PAK3: variants seen among roughly 807,000 people sequenced by gnomAD.
The protein encoded by PAK3 is p21 (RAC1) activated kinase 3, also known as serine/threonine-protein kinase PAK 3.
A neutral mutation model predicts 41.0 loss-of-function variants in PAK3; 4 were observed. The ratio of observed to expected loss-of-function variants is 0.10; its 90% CI spans 0.05 to 0.22. PAK3 has a LOEUF of 0.22. Among genes scored for constraint, PAK3 ranks in the 10% least tolerant of loss-of-function variants. PAK3 has a pLI of 1.00. For synonymous variants in PAK3, 146 were observed against 139.6 expected (o/e 1.05, Z -0.32); for missense variants, 205 against 409.9 (o/e 0.50, Z 4.32).
chrX:111,109,432 TA>T (rs2093330665), intron 4 of PAK3, among the ~76,000 whole-genome samples: 1 of 111,842 alleles, frequency 8.9e-6, no homozygotes, highest in African/African-American at 3.3e-5. Flanking sequence ...AGCCACAAGC[TA>T]GGTGTCAGTA....
At chrX:111,084,192 A>C (rs1158205678) in intron 1 of PAK3, among the ~76,000 whole-genome samples, 1 of 112,275 alleles carries the variant, frequency 8.9e-6, no homozygotes, top group Non-Finnish European at 1.9e-5. Flanking sequence ...ACAGGGGGCC[A>C]TACAATGTTT....
chrX:111,047,667 AG>A (rs1186920311), intron 1 of PAK3, among the ~76,000 whole-genome samples: 1 of 111,220 alleles, frequency 9.0e-6, no homozygotes, highest in Non-Finnish European at 1.9e-5. Context: ...AAAGCTGGAA[AG>A]TTTGGCTGGA....
intron 1 of PAK3, among the ~76,000 whole-genome samples, chrX:111,029,619 A>G (rs1441106581): frequency 1.8e-5 from 2 of 112,087 alleles, no homozygotes; most frequent in Non-Finnish European, 3.8e-5. Context: ...TCATCTGTTT[A>G]AAAGATGAAT....
At chrX:111,152,923 G>A (rs1384196097) in intron 8 of PAK3, among the ~76,000 whole-genome samples, 1 of 111,702 alleles carries the variant, frequency 9.0e-6, no homozygotes, top group East Asian at 2.8e-4. Context: ...AGTATTCCAT[G>A]GTATGATTGT....
intron 1 of PAK3, among the ~76,000 whole-genome samples, chrX:110,994,849 C>T (rs1438639994): frequency 2.7e-5 from 3 of 111,594 alleles, no homozygotes; most frequent in Non-Finnish European, 5.7e-5. Context: ...AAACACCTAG[C>T]CCAGTGCCTG....
Position 111,192,526 on chromosome X carries a change from C to A in PAK3, c.900C>A (p.Asn300Lys). Residue 300 changes from asparagine (N) to lysine (K), a missense_variant, in exon 13 of 18, where the codon AAC (asparagine) becomes AAA (lysine). Asn to Lys is a moderately conservative substitution (Grantham distance 94, BLOSUM62 0). Around this residue, in one of 5 missense-constraint regions of PAK3, gnomAD observed 42 missense variants for 152.7 expected, o/e 0.28. Transcript: ENST00000372007. Reference sequence around the variant, plus strand: ...TTCAGGTGGCCATAAAGCAGATGAACCTTCAACAGCAACCCAAGAAGGAAT... The same window carrying A: ...TTCAGGTGGCCATAAAGCAGATGAAACTTCAACAGCAACCCAAGAAGGAAT... ...TGQEVAIKQM[N>K]LQQQPKKELI... The A allele has an allele frequency of 8.7e-7, 1 of 1,153,337 alleles. No individual in the cohort carries two copies. Among genetic ancestry groups the A allele is most frequent in the Non-Finnish European group, 1.2e-6 (1 of 842,922 alleles).
chrX:111,091,924 C>T (rs2092932752), upstream of PAK3, among the ~76,000 whole-genome samples: 2 of 111,680 alleles, frequency 1.8e-5, no homozygotes, highest in South Asian at 7.6e-4. Flanking sequence ...GATGTGAAGA[C>T]TGAGATCCAA....
chrX:110,976,062 T>C (rs2091321471), intron 1 of PAK3, among the ~76,000 whole-genome samples: 1 of 112,090 alleles, frequency 8.9e-6, no homozygotes. Flanking sequence ...AAGGACTTCA[T>C]GACAAAAACA....
At chrX:111,163,151 T>G in intron 9 of PAK3, 105 bp downstream of exon 9, 3 of 821,782 alleles carry the variant, frequency 3.7e-6, no homozygotes, top group Non-Finnish European at 5.5e-6. Flanking sequence ...GCATCTTTTA[T>G]GTTCCAAGAG....
At chrX:111,170,572 TC>T (rs1409350646) in intron 10 of PAK3, among the ~76,000 whole-genome samples, 2 of 111,677 alleles carry the variant, frequency 1.8e-5, no homozygotes, top group Non-Finnish European at 3.8e-5. Context: ...ATTCATTTAA[TC>T]AACAAATATT....
At chrX:111,096,612 G>A (rs1192029947) in intron 1 of PAK3, 197 bp downstream of exon 1, 1 of 110,950 alleles carries the variant, frequency 9.0e-6, no homozygotes, top group Non-Finnish European at 1.9e-5. Context: ...CCCAGTTCGC[G>A]GACAAGTGGG....
At chrX:111,054,236 CT>C (rs1339859111) in intron 1 of PAK3, among the ~76,000 whole-genome samples, 1 of 112,299 alleles carries the variant, frequency 8.9e-6, no homozygotes, top group Non-Finnish European at 1.9e-5. Flanking sequence ...GCTTATACGG[CT>C]GTTTTGCTCA....
rs569390270 is a variant in PAK3 at position 111,116,405 on chromosome X, T to C, written c.-27-6672T>C. Among the ~76,000 whole-genome samples, 4 of 111,804 alleles carry C rather than the reference T, an allele frequency of 3.6e-5. No homozygotes were observed. In the Admixed American group the frequency reaches 3.8e-4, roughly 11 times the overall value. ...GTAATAATGCATCGGTTTGCAAATATAAGTACATGTAAGATAATCATTAGC... is the reference window on the plus strand; with the variant it reads ...GTAATAATGCATCGGTTTGCAAATACAAGTACATGTAAGATAATCATTAGC... On this transcript the variant is annotated intron_variant, in intron 4 of 17. Coordinates refer to ENST00000372007, the MANE Select transcript of PAK3 (RefSeq NM_002578.5).
intron 11 of PAK3, among the ~76,000 whole-genome samples, chrX:111,184,246 A>G (rs1007924672): frequency 1.8e-5 from 2 of 111,559 alleles, no homozygotes; most frequent in Non-Finnish European, 3.8e-5. Context: ...ATAGGGATCA[A>G]TGTAATTAAA....
chrX:111,103,135 C>G (rs773086946), intron 3 of PAK3, 24 bp from the exon 4 acceptor site: 11 of 111,234 alleles, frequency 9.9e-5, no homozygotes, highest in African/African-American at 3.6e-4. Context: ...GGTTCCCTCT[C>G]CCCTACAATG....
intron 1 of PAK3, among the ~76,000 whole-genome samples, chrX:111,063,295 T>C (rs1603068112): frequency 8.9e-6 from 1 of 112,164 alleles, no homozygotes; most frequent in African/African-American, 3.2e-5. Context: ...TACCCCAAAA[T>C]TCATTGCAAT....
chrX:110,957,371 T>C (rs2148605212), intron 1 of PAK3, among the ~76,000 whole-genome samples: 1 of 112,248 alleles, frequency 8.9e-6, no homozygotes, highest in East Asian at 2.8e-4. Flanking sequence ...CTTATATATT[T>C]TTTTCTCATT....
chrX:111,029,930 T>C (rs1234274537), intron 1 of PAK3, among the ~76,000 whole-genome samples: 2 of 112,163 alleles, frequency 1.8e-5, no homozygotes, highest in Non-Finnish European at 3.8e-5. Flanking sequence ...TAAGGAACAC[T>C]CATAATACTT....
intron 1 of PAK3, among the ~76,000 whole-genome samples, chrX:111,084,053 G>A (rs2092858707): frequency 8.9e-6 from 1 of 112,837 alleles, no homozygotes; most frequent in Non-Finnish European, 1.9e-5. Flanking sequence ...TTTGATTGCA[G>A]ATGTACTCAT....
Sources: allele counts gnomAD v4.1 joint callset (sites outside exome capture counted in the v4.1 genomes callset), GRCh38; gene constraint gnomAD v4.1.1; regional missense constraint gnomAD v4.1.1; transcripts MANE v1.5; gene names NCBI Gene and HGNC (gene_info 2026-07-23, HGNC 2026-07-21).